Variants in CATSPERD observed in about 807,000 individuals in gnomAD.
CATSPERD encodes the protein cation channel sperm-associated auxiliary subunit delta.
A neutral mutation model predicts 98.1 loss-of-function variants in CATSPERD; 86 were observed. That is an observed-to-expected ratio of 0.88 (90% CI 0.74 to 1.05). The LOEUF is 1.05. CATSPERD is among the 50% of genes least tolerant of loss of function. CATSPERD has a pLI of 0.00. For synonymous variants in CATSPERD, 394 were observed against 390.2 expected (o/e 1.01, Z -0.12); for missense variants, 995 against 1,005.7 (o/e 0.99, Z 0.14).
chr19:5,767,408 C>A (rs986518637), intron 17 of CATSPERD, among the ~76,000 whole-genome samples: 1 of 149,624 alleles, frequency 6.7e-6, no homozygotes, highest in Non-Finnish European at 1.5e-5. Context: ...GCTGGGGTCT[C>A]TCAGGTTTTT....
intron 16 of CATSPERD, among the ~76,000 whole-genome samples, chr19:5,765,512 G>A (rs957893081): frequency 1.3e-5 from 2 of 151,904 alleles, no homozygotes. Flanking sequence ...ATCATGCTGG[G>A]CTCATAAATT....
At chr19:5,754,393 C>CTTTTTTTTTTTTTTTTTTTTTTTTTTTTT (rs749080620) in intron 13 of CATSPERD, 148 bp downstream of exon 13, 2 of 209,166 alleles carry the variant, frequency 9.6e-6, no homozygotes, top group Admixed American at 7.6e-5. Flanking sequence ...GTCTCTGTGT[C>CTTTTTTTTTTTTTTTTTTTTTTTTTTTTT]TTTTTTTTTT....
chr19:5,773,438 A>T (rs984279653), intron 20 of CATSPERD, among the ~76,000 whole-genome samples: 1 of 152,216 alleles, frequency 6.6e-6, no homozygotes, highest in Non-Finnish European at 1.5e-5. Flanking sequence ...GGCTTTGCTG[A>T]TGATGAGAAA....
chr19:5,771,583 C>T (rs1036594172), intron 19 of CATSPERD, among the ~76,000 whole-genome samples: 3 of 140,332 alleles, frequency 2.1e-5, no homozygotes, highest in African/African-American at 2.6e-5. Flanking sequence ...TCTTCCTGTT[C>T]TTTTTTTTTT....
In CATSPERD at chr19:5,771,088, G is replaced by A. The variant is rs371618646; in HGVS notation, c.1763+16G>A. 4 of 1,607,850 alleles carry A rather than the reference G, an allele frequency of 2.5e-6. No homozygotes were observed. Among genetic ancestry groups the A allele is most frequent in the Non-Finnish European group, 2.5e-6 (3 of 1,177,604 alleles). ...TGGTGGAGCTGTAAGACCCCAGGGGGGTGCTGCAGGGTGGGGACGGTGGCA... is the reference window on the plus strand; with the variant it reads ...TGGTGGAGCTGTAAGACCCCAGGGGAGTGCTGCAGGGTGGGGACGGTGGCA... On this transcript the variant is annotated intron_variant, in intron 19 of 21. Coordinates refer to ENST00000381624, the MANE Select transcript of CATSPERD (RefSeq NM_152784.4).
At position 5,778,362 on chromosome 19, in the gene CATSPERD, TC is replaced by T. The variant is rs751387536; in HGVS notation, c.2097-8del. 2 of 1,588,556 alleles carry T rather than the reference TC, an allele frequency of 1.3e-6. No homozygotes were observed. Among genetic ancestry groups the T allele is most frequent in the Non-Finnish European group, 1.7e-6 (2 of 1,164,576 alleles). ...CAATGCCCAACAGCCTCTCCCCGCC[TC>T]CCCCCACCGCAGCTACTGTCAACTG... On this transcript the variant is annotated splice_polypyrimidine_tract_variant and intron_variant, in intron 21 of 21. Coordinates refer to ENST00000381624, the MANE Select transcript of CATSPERD (RefSeq NM_152784.4).
chr19:5,721,230 C>T (rs1013961657), intron 1 of CATSPERD, among the ~76,000 whole-genome samples: 1 of 152,146 alleles, frequency 6.6e-6, no homozygotes, highest in African/African-American at 2.4e-5. Flanking sequence ...TCCCGATCTC[C>T]TGACCTCGTG....
intron 9 of CATSPERD, 56 bp downstream of exon 9, chr19:5,746,119 C>G (rs1051489708): frequency 2.5e-6 from 4 of 1,592,220 alleles, no homozygotes; most frequent in Admixed American, 1.7e-5. Context: ...CCAGAGGGGC[C>G]GAGTACAGCC....
intron 1 of CATSPERD, among the ~76,000 whole-genome samples, chr19:5,723,322 G>A (rs1344905260): frequency 1.3e-5 from 2 of 151,634 alleles, no homozygotes; most frequent in Non-Finnish European, 2.9e-5. Context: ...TTGCTCTGTC[G>A]CCCAGGCTGG....
At chr19:5,723,456 TA>T (rs2055539593) in intron 1 of CATSPERD, among the ~76,000 whole-genome samples, 1 of 126,726 alleles carries the variant, frequency 7.9e-6, no homozygotes. Flanking sequence ...CCTGCCCAGC[TA>T]ATTTTTTTTT....
In CATSPERD at chr19:5,751,746, G is replaced by A. The variant is rs756343196; in HGVS notation, c.1087G>A (p.Ala363Thr). ...LTPLRDTAFP[A>T]FDFQKCLVNI... Reference sequence around the variant, plus strand: ...CCCACTGCGTGACACAGCCTTTCCAGCTTTTGATTTCCAGAAGTGCCTCGT... The same window carrying A: ...CCCACTGCGTGACACAGCCTTTCCAACTTTTGATTTCCAGAAGTGCCTCGT... The change falls in exon 12 of 22, where the codon GCT becomes ACT. Residue 363 changes from alanine (A) to threonine (T), a missense_variant. Ala to Thr is a moderately conservative substitution (Grantham distance 58). This residue lies in a region of CATSPERD where 762 missense variants were observed against 773.7 expected (regional missense o/e 0.98). Transcript: ENST00000381624. 1 of 1,613,878 alleles carries A rather than the reference G, an allele frequency of 6.2e-7. No homozygotes were observed. Among genetic ancestry groups the A allele is most frequent in the Non-Finnish European group, 8.5e-7 (1 of 1,179,980 alleles).
chr19:5,777,861 C>T (rs2056762300), intron 21 of CATSPERD, among the ~76,000 whole-genome samples: 1 of 146,420 alleles, frequency 6.8e-6, no homozygotes. Flanking sequence ...GGTAATAGAG[C>T]CAGATTCCAC....
At chr19:5,776,936 G>C (rs897512517) in intron 21 of CATSPERD, among the ~76,000 whole-genome samples, 1 of 151,776 alleles carries the variant, frequency 6.6e-6, no homozygotes, top group Admixed American at 6.6e-5. Flanking sequence ...CAGTGGCTTC[G>C]AATCAGCCAC....
chr19:5,776,400 T>C, intron 21 of CATSPERD, 85 bp downstream of exon 21: 3 of 1,475,384 alleles, frequency 2.0e-6, no homozygotes, highest in Non-Finnish European at 2.8e-6. Flanking sequence ...ATGCAGGTCC[T>C]GGCTAAACCT....
At chr19:5,773,026 G>A in intron 20 of CATSPERD, 61 bp downstream of exon 20, 1 of 1,532,400 alleles carries the variant, frequency 6.5e-7, no homozygotes, top group Middle Eastern at 1.8e-4. Flanking sequence ...GTGGGAGAGT[G>A]CGTGAGGACA....
intron 18 of CATSPERD, among the ~76,000 whole-genome samples, chr19:5,769,329 G>C (rs115477493): frequency 2.6e-5 from 4 of 150,990 alleles, no homozygotes; most frequent in African/African-American, 4.9e-5. Flanking sequence ...GTGGTGGGAT[G>C]GGGGGAGGAG....
intron 14 of CATSPERD, among the ~76,000 whole-genome samples, chr19:5,758,212 C>T (rs551093746): frequency 9.7e-4 from 148 of 151,918 alleles, no homozygotes; most frequent in Non-Finnish European, 1.4e-3. Context: ...ATGAGGATTG[C>T]GTGGGGGCAG....
At chr19:5,747,941 T>C (rs1268998193) in intron 9 of CATSPERD, among the ~76,000 whole-genome samples, 1 of 152,196 alleles carries the variant, frequency 6.6e-6, no homozygotes, top group Non-Finnish European at 1.5e-5. Context: ...AACCGAAGCA[T>C]ATTCCTTGTC....
chr19:5,755,333 G>A (rs918398383), intron 13 of CATSPERD, among the ~76,000 whole-genome samples: 7 of 151,952 alleles, frequency 4.6e-5, no homozygotes, highest in African/African-American at 1.7e-4. Context: ...GCACAAAACC[G>A]ATTATACTCA....
Sources: gnomAD v4.1 joint callset for allele counts (sites outside exome capture counted in the v4.1 genomes callset) on GRCh38, gnomAD v4.1.1 for gene constraint, gnomAD v4.1.1 regional missense constraint, MANE v1.5 for transcripts, NCBI Gene and HGNC (gene_info 2026-07-23, HGNC 2026-07-21) for gene names.